The following XRCC5 variants were observed in gnomAD, a reference collection of about 807,000 sequenced individuals.
XRCC5 encodes the protein X-ray repair cross complementing 5, also known as DNA repair protein Ku80.
In XRCC5, 12 loss-of-function variants were observed where a neutral mutation model predicts 95.7. The observed-to-expected ratio is 0.13, with a 90% confidence interval of 0.08 to 0.20. The LOEUF is 0.20. XRCC5 is among the 10% of genes least tolerant of loss of function. The pLI, the probability that XRCC5 is intolerant of heterozygous loss-of-function variation, is 1.00. For synonymous variants in XRCC5, 281 were observed against 290.3 expected (o/e 0.97, Z 0.33); for missense variants, 595 against 873.9 (o/e 0.68, Z 4.02).
intron 19 of XRCC5, among the ~76,000 whole-genome samples, chr2:216,200,369 G>A (rs1001459694): frequency 1.8e-4 from 27 of 152,090 alleles, no homozygotes; most frequent in Non-Finnish European, 1.9e-4. Flanking sequence ...GCCCCTGTTG[G>A]AACCTGTGAC....
Position 216,205,423 on chromosome 2 carries a change from T to C in XRCC5, c.*221T>C. On this transcript the variant is annotated 3_prime_UTR_variant, in exon 21 of 21. Transcript: ENST00000392132. Reference sequence around the variant, plus strand: ...ATACAAGTTTATAAAGAGTCATTGTTATTTTCTGGTTGGTGTATTATTTTT... The same window carrying C: ...ATACAAGTTTATAAAGAGTCATTGTCATTTTCTGGTTGGTGTATTATTTTT... The C allele has an allele frequency of 1.8e-6, 1 of 558,816 alleles. No homozygotes were observed. The highest frequency in any genetic ancestry group is 2.9e-5 in the East Asian group (1 of 34,152). 34.6% of individuals were successfully genotyped at this position (558,816 alleles called of 1,614,324 possible). A position where few individuals can be genotyped will look rare whatever the true frequency, so the allele number is the denominator to read the frequency against.
At chr2:216,188,991 A>G (rs7581055) in intron 16 of XRCC5, among the ~76,000 whole-genome samples, 32,839 of 152,096 alleles carry the variant, frequency 0.22, 5,293 homozygotes, top group African/African-American at 0.46. Context: ...TTCCCTTGTT[A>G]GAAAATTGCT....
Position 216,117,620 on chromosome 2 carries a change from G to A in XRCC5, c.320-126G>A, listed in dbSNP as rs1042705721. ...TGAACTTTGGAAGAAGGGCACTCAG[G>A]CAAGTACTTTAAGTCATCACATAGT... On this transcript the variant is annotated intron_variant, in intron 3 of 20. Transcript: ENST00000392132. 7.1e-6 allele frequency: 6 copies of A among 839,700 alleles called. No homozygotes were observed. The African/African-American group carries it at 1.0e-4, about 14-fold the overall frequency. The allele number at this position is 839,700 out of a possible 1,614,324, so 52.0% of individuals were successfully genotyped here.
chr2:216,133,350 T>C (rs534097516), intron 10 of XRCC5, among the ~76,000 whole-genome samples: 2 of 152,366 alleles, frequency 1.3e-5, no homozygotes, highest in African/African-American at 4.8e-5. Flanking sequence ...TATTTTGTTT[T>C]GTTTTTTTAA....
At chr2:216,120,562 TTC>T (rs1354574029) in intron 5 of XRCC5, among the ~76,000 whole-genome samples, 1 of 152,116 alleles carries the variant, frequency 6.6e-6, no homozygotes, top group African/African-American at 2.4e-5. Flanking sequence ...AAGCCCTGTG[TTC>T]TGTTTTTAAT....
intron 16 of XRCC5, among the ~76,000 whole-genome samples, chr2:216,188,871 A>C (rs1256082421): frequency 2.0e-5 from 3 of 152,206 alleles, no homozygotes; most frequent in Non-Finnish European, 2.9e-5. Context: ...GATTTTTGAA[A>C]TTGCAGGGAA....
At chr2:216,186,745 A>C (rs1689499435) in intron 16 of XRCC5, among the ~76,000 whole-genome samples, 1 of 152,214 alleles carries the variant, frequency 6.6e-6, no homozygotes. Context: ...GCTGTGATTT[A>C]CTGAGTTTGA....
At chr2:216,161,860 T>A in intron 15 of XRCC5, 119 bp from the exon 16 acceptor site, 1 of 830,718 alleles carries the variant, frequency 1.2e-6, no homozygotes. Flanking sequence ...AGCCCTTCTC[T>A]TTGTCTTTGG....
chr2:216,110,944 T>C (rs1157435970), intron 1 of XRCC5, among the ~76,000 whole-genome samples: 1 of 152,226 alleles, frequency 6.6e-6, no homozygotes, highest in African/African-American at 2.4e-5. Flanking sequence ...GTGCATTGTG[T>C]TGTTTGTAAA....
At chr2:216,134,084 A>G (rs1697033850) in intron 10 of XRCC5, among the ~76,000 whole-genome samples, 1 of 152,226 alleles carries the variant, frequency 6.6e-6, no homozygotes, top group Non-Finnish European at 1.5e-5. Flanking sequence ...GTTTTCTTGT[A>G]AGATGATCAG....
At chr2:216,115,420 C>T (rs1450352961) in intron 2 of XRCC5, among the ~76,000 whole-genome samples, 1 of 152,226 alleles carries the variant, frequency 6.6e-6, no homozygotes, top group Non-Finnish European at 1.5e-5. Flanking sequence ...GCAAGATTAC[C>T]TTGCCTTAAG....
At chr2:216,157,276 C>T (rs1222537473) in intron 14 of XRCC5, among the ~76,000 whole-genome samples, 1 of 151,766 alleles carries the variant, frequency 6.6e-6, no homozygotes, top group African/African-American at 2.4e-5. Flanking sequence ...CTCTGTCACC[C>T]AGGCTGGAGT....
At chr2:216,128,119 G>A (rs1484445732) in intron 8 of XRCC5, 1 of 152,542 alleles carries the variant, frequency 6.6e-6, no homozygotes, top group African/African-American at 2.4e-5. Context: ...TTATTATATT[G>A]CTTCATATTA....
intron 2 of XRCC5, 21 bp downstream of exon 2, chr2:216,113,150 G>T: frequency 6.3e-7 from 1 of 1,595,962 alleles, no homozygotes; most frequent in South Asian, 1.1e-5. Context: ...GATTGACACT[G>T]AGCTTGTAAC....
intron 10 of XRCC5, among the ~76,000 whole-genome samples, chr2:216,133,567 C>T (rs1297905470): frequency 2.6e-5 from 4 of 152,214 alleles, no homozygotes; most frequent in African/African-American, 7.2e-5. Context: ...AGTGAGGAAT[C>T]ACAAAGTTGT....
At chr2:216,190,204 A>G (rs779993761) in intron 16 of XRCC5, 21 bp from the exon 17 acceptor site, 3 of 1,607,826 alleles carry the variant, frequency 1.9e-6, no homozygotes, top group Non-Finnish European at 2.6e-6. Flanking sequence ...ATCTAAGAAA[A>G]TTTGTTGTCT....
intron 15 of XRCC5, 137 bp downstream of exon 15, chr2:216,160,298 T>C (rs1294106300): frequency 1.9e-6 from 1 of 524,612 alleles, no homozygotes; most frequent in Non-Finnish European, 3.3e-6. Flanking sequence ...CCTTGCTCTA[T>C]AGAAGCCAAA....
At chr2:216,199,810 CTTTTTTTTTT>C (rs375975027) in intron 19 of XRCC5, among the ~76,000 whole-genome samples, 2,694 of 120,264 alleles carry the variant, frequency 0.022, 106 homozygotes, top group African/African-American at 0.08. Context: ...GCATTGGGAT[CTTTTTTTTTT>C]TTTTTTTTTT....
chr2:216,114,944 GC>G (rs893424948), intron 2 of XRCC5, among the ~76,000 whole-genome samples: 4 of 152,106 alleles, frequency 2.6e-5, no homozygotes, highest in Admixed American at 2.6e-4. Context: ...ATTAATTCGG[GC>G]TGCTCAAGGG....
Sources: gnomAD v4.1 joint callset for allele counts (sites outside exome capture counted in the v4.1 genomes callset) on GRCh38, gnomAD v4.1.1 for gene constraint, MANE v1.5 for transcripts, NCBI Gene and HGNC (gene_info 2026-07-23, HGNC 2026-07-21) for gene names.